The following HCRTR2 variants were observed in gnomAD, a reference collection of about 807,000 sequenced individuals.
HCRTR2 encodes the protein hypocretin receptor 2.
A neutral mutation model predicts 49.0 loss-of-function variants in HCRTR2; 22 were observed. The ratio of observed to expected loss-of-function variants is 0.45; its 90% confidence interval spans 0.32 to 0.64. The LOEUF (loss-of-function observed/expected upper bound fraction) is 0.64. HCRTR2 is among the 30% of genes least tolerant of loss of function. The pLI is 0.04. For synonymous variants in HCRTR2, 236 were observed against 205.3 expected (o/e 1.15, Z -1.28); for missense variants, 491 against 559.4 (o/e 0.88, Z 1.23).
chr6:55,124,538 G>A (rs745464268), intron 1 of HCRTR2, among the ~76,000 whole-genome samples: 23 of 152,108 alleles, frequency 1.5e-4, no homozygotes, highest in Non-Finnish European at 3.2e-4. Context: ...CGATTATGTG[G>A]TCAATTTTAG....
At chr6:55,241,444 T>C (rs1293458320) in intron 1 of HCRTR2, among the ~76,000 whole-genome samples, 1 of 152,144 alleles carries the variant, frequency 6.6e-6, no homozygotes, top group Non-Finnish European at 1.5e-5. Flanking sequence ...ACAGTATATT[T>C]TTCCAAGTTG....
intron 1 of HCRTR2, among the ~76,000 whole-genome samples, chr6:55,246,696 A>G (rs1360594001): frequency 6.6e-6 from 1 of 152,088 alleles, no homozygotes; most frequent in African/African-American, 2.4e-5. Flanking sequence ...TTACTCTAGT[A>G]CTTAATTTTT....
At position 55,277,660 on chromosome 6, in the gene HCRTR2, C is replaced by CGT. The variant is rs373230436; in HGVS notation, c.983+60_983+61insGT. The CGT allele has an allele frequency of 9.6e-6, 9 of 933,764 alleles. No homozygotes were observed. In the East Asian group the frequency reaches 2.5e-4, roughly 26 times the overall value. The allele number at this position is 933,764 out of a possible 1,614,324, so 57.8% of individuals were successfully genotyped here. ...CTGCCTTTTCTTGATTCTTAATTAA[C>CGT]TTTTTTTTTTTTTTTAACTAAGCCA... On this transcript the variant is annotated intron_variant, in intron 5 of 6. Coordinates refer to ENST00000370862, the MANE Select transcript of HCRTR2 (RefSeq NM_001384272.1).
chr6:55,250,290 T>C (rs1206878834), intron 2 of HCRTR2, among the ~76,000 whole-genome samples: 1 of 152,104 alleles, frequency 6.6e-6, no homozygotes, highest in African/African-American at 2.4e-5. Flanking sequence ...AATATTCTCA[T>C]AGAGGAAAAG....
chr6:55,107,450 A>C (rs1321829534), intron 1 of HCRTR2, among the ~76,000 whole-genome samples: 2 of 152,004 alleles, frequency 1.3e-5, no homozygotes, highest in Admixed American at 6.6e-5. Context: ...GTCTCTTTTC[A>C]ATATATAAAG....
At chr6:55,263,642 A>G in intron 3 of HCRTR2, 65 bp from the exon 4 acceptor site, 1 of 816,712 alleles carries the variant, frequency 1.2e-6, no homozygotes, top group Non-Finnish European at 2.1e-6. Context: ...AAGCATTGAC[A>G]TGTATCTTTT....
intron 1 of HCRTR2, among the ~76,000 whole-genome samples, chr6:55,196,458 A>G (rs2127281490): frequency 6.6e-6 from 1 of 152,294 alleles, no homozygotes; most frequent in Non-Finnish European, 1.5e-5. Context: ...GGTGCCTAAG[A>G]TCTTTCCCTT....
At chr6:55,251,819 T>C (rs1338864189) in intron 2 of HCRTR2, among the ~76,000 whole-genome samples, 1 of 152,072 alleles carries the variant, frequency 6.6e-6, no homozygotes, top group African/African-American at 2.4e-5. Flanking sequence ...GCCCATAGTA[T>C]AGGTCAAAGA....
At chr6:55,183,859 C>A (rs534481971) in intron 1 of HCRTR2, among the ~76,000 whole-genome samples, 7 of 151,906 alleles carry the variant, frequency 4.6e-5, no homozygotes, top group African/African-American at 7.2e-5. Context: ...AGAAAGAATA[C>A]ATATTGGAAA....
intron 4 of HCRTR2, among the ~76,000 whole-genome samples, chr6:55,264,369 T>G (rs757452274): frequency 4.1e-4 from 62 of 152,132 alleles, no homozygotes; most frequent in Non-Finnish European, 6.9e-4. Flanking sequence ...TACTACACTT[T>G]GTTAGATAAT....
chr6:55,115,483 T>A (rs1581779411), intron 1 of HCRTR2, among the ~76,000 whole-genome samples: 1 of 486 alleles, frequency 2.1e-3, no homozygotes, highest in East Asian at 0.038. Flanking sequence ...CTAAAGAGTG[T>A]GTGTGTGTGT....
chr6:55,238,318 A>G (rs367649997), intron 1 of HCRTR2, among the ~76,000 whole-genome samples: 3 of 152,060 alleles, frequency 2.0e-5, no homozygotes, highest in African/African-American at 7.2e-5. Context: ...TTTGGCATTC[A>G]CCTTTTTCCA....
intron 1 of HCRTR2, among the ~76,000 whole-genome samples, chr6:55,109,623 C>A (rs1486038026): frequency 6.6e-6 from 1 of 151,718 alleles, no homozygotes; most frequent in Non-Finnish European, 1.5e-5. Flanking sequence ...GAAAGAATTT[C>A]AGAGCCCAAA....
At chr6:55,127,084 G>T (rs1764289281) in intron 1 of HCRTR2, among the ~76,000 whole-genome samples, 1 of 152,078 alleles carries the variant, frequency 6.6e-6, no homozygotes. Flanking sequence ...GATTGGTTCT[G>T]TCTCGCTGAC....
chr6:55,210,083 T>G (rs1420030493), intron 1 of HCRTR2, among the ~76,000 whole-genome samples: 1 of 152,144 alleles, frequency 6.6e-6, no homozygotes, highest in Non-Finnish European at 1.5e-5. Context: ...CAAAATGCCT[T>G]TTTGTTTATC....
At chr6:55,264,583 A>C (rs79548092) in intron 4 of HCRTR2, among the ~76,000 whole-genome samples, 10,029 of 152,092 alleles carry the variant, frequency 0.066, 508 homozygotes, top group African/African-American at 0.14. Context: ...TCAGAGCAAA[A>C]TGTACTAAAA....
intron 1 of HCRTR2, among the ~76,000 whole-genome samples, chr6:55,125,877 A>G (rs946015863): frequency 6.6e-6 from 1 of 151,772 alleles, no homozygotes; most frequent in Non-Finnish European, 1.5e-5. Context: ...CCTTCAATCA[A>G]TGGTACCCTT....
At chr6:55,120,256 C>T (rs183111074) in intron 1 of HCRTR2, among the ~76,000 whole-genome samples, 6 of 151,042 alleles carry the variant, frequency 4.0e-5, no homozygotes, top group Non-Finnish European at 5.9e-5. Context: ...CTATGTGGGC[C>T]CTTTTTTGGT....
rs549467709 is a variant in HCRTR2, at chr6:55,224,655, T to C, written c.224-23984T>C. Among the ~76,000 whole-genome samples the C allele has an allele frequency of 3.0e-3, 447 of 149,846 alleles. 4 individuals carry two copies. The highest frequency in any genetic ancestry group is 0.01 in the African/African-American group (419 of 40,874). On this transcript the variant is annotated intron_variant, in intron 1 of 6. Transcript: ENST00000370862. ...AAAAAAAAAAGGAAAGAAAACGTGG[T>C]ATATATACACAATGGAATACTATTT...
Sources: allele counts gnomAD v4.1 joint callset (sites outside exome capture counted in the v4.1 genomes callset), GRCh38; gene constraint gnomAD v4.1.1; transcripts MANE v1.5; gene names NCBI Gene and HGNC (gene_info 2026-07-23, HGNC 2026-07-21).